Variants in EIF2B3 observed in about 807,000 individuals in gnomAD.
The protein encoded by EIF2B3 is eukaryotic translation initiation factor 2B subunit gamma.
A neutral mutation model predicts 54.1 loss-of-function variants in EIF2B3; 20 were observed. The ratio of observed to expected loss-of-function variants is 0.37; its 90% confidence interval spans 0.26 to 0.54. EIF2B3 has a LOEUF of 0.54. Ranked by LOEUF, EIF2B3 falls within the 20% of genes least tolerant of loss-of-function variation. EIF2B3 has a pLI of 0.86. For missense variants in EIF2B3, 448 were observed against 547.8 expected (o/e 0.82, Z 1.82); for synonymous variants, 153 against 188.1 (o/e 0.81, Z 1.52).
chr1:44,878,854 G>T (rs948527542), intron 8 of EIF2B3, among the ~76,000 whole-genome samples: 6 of 151,388 alleles, frequency 4.0e-5, no homozygotes, highest in African/African-American at 1.5e-4. Context: ...TGCATTCCAG[G>T]CTCAGGTGAT....
intron 9 of EIF2B3, 82 bp downstream of exon 9, chr1:44,875,536 G>A (rs1655092713): frequency 7.6e-7 from 1 of 1,321,488 alleles, no homozygotes; most frequent in Non-Finnish European, 1.1e-6. Context: ...AGGACTTAAA[G>A]GCCTCAATCC....
intron 1 of EIF2B3, among the ~76,000 whole-genome samples, chr1:44,985,974 C>T (rs1343086240): frequency 6.6e-6 from 1 of 152,172 alleles, no homozygotes; most frequent in Non-Finnish European, 1.5e-5. Flanking sequence ...TTTCACTGCC[C>T]TGCATCCAAA....
intron 10 of EIF2B3, among the ~76,000 whole-genome samples, chr1:44,866,224 C>T (rs1371471904): frequency 6.6e-6 from 1 of 151,958 alleles, no homozygotes; most frequent in African/African-American, 2.4e-5. Flanking sequence ...TGGAGAAACC[C>T]CATCTCTACT....
At chr1:44,873,807 A>AT (rs35507556) in intron 10 of EIF2B3, among the ~76,000 whole-genome samples, 28,462 of 142,204 alleles carry the variant, frequency 0.2, 3,162 homozygotes, top group Non-Finnish European at 0.27. Flanking sequence ...CACCTGGCTA[A>AT]TTTTTTTTTT....
chr1:44,876,965 G>T (rs532989504), intron 8 of EIF2B3, among the ~76,000 whole-genome samples: 13 of 147,052 alleles, frequency 8.8e-5, no homozygotes, highest in African/African-American at 3.4e-4. Context: ...GGCGGTGCAA[G>T]ATGTGCTTTG....
intron 11 of EIF2B3, among the ~76,000 whole-genome samples, chr1:44,853,767 T>C (rs1477655681): frequency 2.6e-5 from 4 of 151,954 alleles, no homozygotes; most frequent in African/African-American, 9.7e-5. Flanking sequence ...AGCAATGGGA[T>C]AGAAGGGAAA....
At chr1:44,896,013 T>C (rs577815548) in intron 6 of EIF2B3, among the ~76,000 whole-genome samples, 2 of 152,146 alleles carry the variant, frequency 1.3e-5, no homozygotes, top group Non-Finnish European at 2.9e-5. Flanking sequence ...CACTGAGAAA[T>C]AGCTCTTGGA....
At position 44,897,578 on chromosome 1, in the gene EIF2B3, G is replaced by A. The variant is rs114422879; in HGVS notation, c.567-134C>T. 0.022 allele frequency: 16,180 copies of A among 727,878 alleles called. 1,934 individuals are homozygous for A. In the African/African-American group the frequency reaches 0.25, roughly 11 times the overall value. 45.1% of individuals were successfully genotyped at this position (727,878 alleles called of 1,614,324 possible). On this transcript the variant is annotated intron_variant, in intron 5 of 11. Transcript: ENST00000360403. ...AGGCATGCTGCCTACATCTCTTTCT[G>A]GGGAGACCAGGACAGTGGACCCCAG...
intron 11 of EIF2B3, among the ~76,000 whole-genome samples, chr1:44,854,007 GT>G (rs971169619): frequency 5.4e-4 from 72 of 134,550 alleles, no homozygotes; most frequent in South Asian, 3.5e-3. Context: ...TTTTTTTTTT[GT>G]TTTTTTTTTT....
intron 3 of EIF2B3, among the ~76,000 whole-genome samples, chr1:44,967,782 G>A (rs1354629316): frequency 6.7e-6 from 1 of 149,578 alleles, no homozygotes; most frequent in Non-Finnish European, 1.5e-5. Flanking sequence ...TGTCACGCCT[G>A]TAATCCCAGC....
intron 4 of EIF2B3, among the ~76,000 whole-genome samples, chr1:44,933,877 C>T (rs968548938): frequency 6.6e-6 from 1 of 151,960 alleles, no homozygotes; most frequent in African/African-American, 2.4e-5. Context: ...AATCCCAGCA[C>T]TTTGGGAGGC....
At chr1:44,908,722 G>T (rs575410429) in intron 5 of EIF2B3, among the ~76,000 whole-genome samples, 5 of 152,320 alleles carry the variant, frequency 3.3e-5, no homozygotes, top group African/African-American at 1.2e-4. Flanking sequence ...GGAAAGCAAA[G>T]TTGAAAATTC....
At chr1:44,917,963 CG>C (rs909498583) in intron 5 of EIF2B3, among the ~76,000 whole-genome samples, 34 of 149,664 alleles carry the variant, frequency 2.3e-4, no homozygotes, top group African/African-American at 7.8e-4. Flanking sequence ...TTAGTAGAGA[CG>C]GGGTTTCACC....
intron 3 of EIF2B3, among the ~76,000 whole-genome samples, chr1:44,948,914 C>A (rs1644132680): frequency 6.6e-6 from 1 of 152,002 alleles, no homozygotes; most frequent in Non-Finnish European, 1.5e-5. Flanking sequence ...ATTGCCCAGG[C>A]TGGAGTAAAA....
intron 3 of EIF2B3, among the ~76,000 whole-genome samples, chr1:44,951,454 G>T (rs1644159596): frequency 8.5e-6 from 1 of 118,144 alleles, no homozygotes; most frequent in South Asian, 2.8e-4. Flanking sequence ...TCCTTTGGTG[G>T]TCTCGTTTAC....
intron 6 of EIF2B3, 63 bp downstream of exon 6, chr1:44,897,292 T>C: frequency 4.9e-6 from 6 of 1,218,322 alleles, no homozygotes; most frequent in Non-Finnish European, 7.2e-6. Context: ...GTTTAAAATT[T>C]AAGGAATTCA....
intron 8 of EIF2B3, among the ~76,000 whole-genome samples, chr1:44,877,730 G>T (rs1655242178): frequency 6.6e-6 from 1 of 152,206 alleles, no homozygotes. Flanking sequence ...TTGGCTACCA[G>T]TCTATTAGGA....
chr1:44,917,503 A>G (rs1444190487), intron 5 of EIF2B3, among the ~76,000 whole-genome samples: 1 of 151,634 alleles, frequency 6.6e-6, no homozygotes, highest in Non-Finnish European at 1.5e-5. Context: ...TCAAAAAAAA[A>G]AAAAAGAAAA....
At chr1:44,952,651 C>T (rs1055102888) in intron 3 of EIF2B3, among the ~76,000 whole-genome samples, 46 of 150,696 alleles carry the variant, frequency 3.1e-4, no homozygotes, top group African/African-American at 1.1e-3. Flanking sequence ...CTCCCGGGTT[C>T]ACGCCATTCT....
Sources: gnomAD v4.1 joint callset for allele counts (sites outside exome capture counted in the v4.1 genomes callset) on GRCh38, gnomAD v4.1.1 for gene constraint, MANE v1.5 for transcripts, NCBI Gene and HGNC (gene_info 2026-07-23, HGNC 2026-07-21) for gene names.